The following CDH10 variants were observed in gnomAD, a reference collection of about 807,000 sequenced individuals.
CDH10 encodes the protein cadherin-10.
A neutral mutation model predicts 73.1 loss-of-function variants in CDH10; 30 were observed. The observed-to-expected ratio is 0.41, with a 90% confidence interval of 0.31 to 0.56. The LOEUF is 0.56. Ranked by LOEUF, CDH10 falls within the 20% of genes least tolerant of loss-of-function variation. The pLI, the probability that CDH10 is intolerant of heterozygous loss-of-function variation, is 0.27. For synonymous variants in CDH10, 345 were observed against 348.2 expected (o/e 0.99, Z 0.10); for missense variants, 815 against 973.7 (o/e 0.84, Z 2.17).
chr5:24,609,342 A>G lies in CDH10; in HGVS notation c.-123-15729T>C, dbSNP rs182598273. Among the ~76,000 whole-genome samples the G allele has an allele frequency of 2.5e-3, 385 of 152,298 alleles. 1 individual carries two copies. The highest frequency in any genetic ancestry group is 4.3e-3 in the Non-Finnish European group (293 of 68,020). ...TAGTTGGGGGGAGGTTAGAAGAAGC[A>G]CAGGCTGCGTGGAAAGTAAGAAATG... On this transcript the variant is annotated intron_variant, in intron 1 of 11. Coordinates refer to ENST00000264463, the MANE Select transcript of CDH10 (RefSeq NM_006727.5).
At chr5:24,510,756 T>C (rs745441021) in intron 6 of CDH10, among the ~76,000 whole-genome samples, 1 of 152,238 alleles carries the variant, frequency 6.6e-6, no homozygotes, top group Admixed American at 6.5e-5. Context: ...TAATGTGCCT[T>C]ATTTTTTTCT....
chr5:24,602,497 T>C (rs535733902), intron 1 of CDH10, among the ~76,000 whole-genome samples: 1 of 152,304 alleles, frequency 6.6e-6, no homozygotes, highest in South Asian at 2.1e-4. Flanking sequence ...CCGCTCTGTG[T>C]TTAAATGATA....
intron 2 of CDH10, among the ~76,000 whole-genome samples, chr5:24,584,233 T>C (rs1345019909): frequency 2.0e-5 from 3 of 152,124 alleles, no homozygotes; most frequent in Non-Finnish European, 4.4e-5. Context: ...CAAAATTGTA[T>C]GTGATAGTAA....
At chr5:24,564,210 C>T (rs1157089575) in intron 2 of CDH10, among the ~76,000 whole-genome samples, 1 of 152,220 alleles carries the variant, frequency 6.6e-6, no homozygotes, top group Non-Finnish European at 1.5e-5. Context: ...TATTTGTACA[C>T]ACACATACTA....
chr5:24,638,411 C>A (rs1020551983), intron 1 of CDH10, among the ~76,000 whole-genome samples: 11 of 151,380 alleles, frequency 7.3e-5, no homozygotes, highest in African/African-American at 2.4e-4. Flanking sequence ...CTGTAGAAAA[C>A]CTCCACTCTT....
intron 1 of CDH10, among the ~76,000 whole-genome samples, chr5:24,639,333 ATT>A (rs1747967693): frequency 2.6e-5 from 4 of 151,688 alleles, no homozygotes; most frequent in Non-Finnish European, 5.9e-5. Context: ...AAACAGTTAC[ATT>A]TTAAAAGTTT....
intron 1 of CDH10, among the ~76,000 whole-genome samples, chr5:24,624,829 C>A (rs1364885148): frequency 6.6e-6 from 1 of 152,030 alleles, no homozygotes; most frequent in African/African-American, 2.4e-5. Context: ...TGTTCTCACA[C>A]AAAGAACTGT....
At chr5:24,556,989 G>T (rs960913675) in intron 2 of CDH10, among the ~76,000 whole-genome samples, 3 of 151,504 alleles carry the variant, frequency 2.0e-5, no homozygotes, top group African/African-American at 4.8e-5. Context: ...CTTTAAAAAA[G>T]TACAGAAAGA....
At chr5:24,510,520 G>A (rs889515469) in intron 6 of CDH10, among the ~76,000 whole-genome samples, 1 of 151,912 alleles carries the variant, frequency 6.6e-6, no homozygotes, top group Admixed American at 6.6e-5. Context: ...AGATTCCCTC[G>A]ACCTTTTATT....
At chr5:24,642,239 A>C in intron 1 of CDH10, among the ~76,000 whole-genome samples, 1 of 152,158 alleles carries the variant, frequency 6.6e-6, no homozygotes, top group Non-Finnish European at 1.5e-5. Context: ...GATTTGGTAT[A>C]AAAATGACAT....
intron 7 of CDH10, among the ~76,000 whole-genome samples, chr5:24,507,596 T>C (rs1174941959): frequency 6.6e-6 from 1 of 152,038 alleles, no homozygotes; most frequent in East Asian, 1.9e-4. Context: ...TGCCACTTGA[T>C]ATACATTTAG....
chr5:24,634,418 T>C (rs950026959), intron 1 of CDH10, among the ~76,000 whole-genome samples: 90 of 151,780 alleles, frequency 5.9e-4, no homozygotes, highest in African/African-American at 2.2e-3. Flanking sequence ...TTATACTAAA[T>C]GTAAAATGTG....
At chr5:24,549,180 C>T (rs10077127) in intron 2 of CDH10, among the ~76,000 whole-genome samples, 1,564 of 151,956 alleles carry the variant, frequency 0.01, 33 homozygotes, top group African/African-American at 0.035. Flanking sequence ...AATATGAAAA[C>T]GAAAATTACA....
At chr5:24,555,181 G>T (rs893569396) in intron 2 of CDH10, among the ~76,000 whole-genome samples, 1 of 152,088 alleles carries the variant, frequency 6.6e-6, no homozygotes, top group African/African-American at 2.4e-5. Context: ...AGAGAGTGAT[G>T]CTCTATTTAC....
At chr5:24,612,421 AC>A (rs1398905125) in intron 1 of CDH10, 5 of 152,156 alleles carry the variant, frequency 3.3e-5, no homozygotes, top group Non-Finnish European at 7.4e-5. Flanking sequence ...ATTGCTTATC[AC>A]CTTATCTCAC....
chr5:24,549,681 A>T (rs1435291057), intron 2 of CDH10, among the ~76,000 whole-genome samples: 2 of 151,520 alleles, frequency 1.3e-5, no homozygotes, highest in African/African-American at 4.8e-5. Context: ...CCTCCCGAGT[A>T]GCTGGGATTA....
intron 1 of CDH10, among the ~76,000 whole-genome samples, chr5:24,603,742 C>T (rs1214548509): frequency 6.6e-6 from 1 of 152,152 alleles, no homozygotes; most frequent in African/African-American, 2.4e-5. Flanking sequence ...TAACGTTTCC[C>T]CCGTATATTC....
chr5:24,511,897 G>T (rs1372258604), intron 5 of CDH10, among the ~76,000 whole-genome samples: 1 of 152,114 alleles, frequency 6.6e-6, no homozygotes, highest in Non-Finnish European at 1.5e-5. Context: ...AAAATCAAAT[G>T]TCACACGTTA....
chr5:24,597,057 A>G (rs1315621820), intron 1 of CDH10, among the ~76,000 whole-genome samples: 1 of 152,060 alleles, frequency 6.6e-6, no homozygotes, highest in African/African-American at 2.4e-5. Flanking sequence ...AGTTAATTTT[A>G]TTTTTGGAAA....
Sources: gnomAD v4.1 joint callset for allele counts (sites outside exome capture counted in the v4.1 genomes callset) on GRCh38, gnomAD v4.1.1 for gene constraint, MANE v1.5 for transcripts, NCBI Gene and HGNC (gene_info 2026-07-23, HGNC 2026-07-21) for gene names.